Variants in TLN2 observed in about 807,000 individuals in gnomAD.
The protein encoded by TLN2 is talin-2.
Under a neutral mutation model 294.7 loss-of-function variants are expected in TLN2, and 118 were observed. The ratio of observed to expected loss-of-function variants is 0.40; its 90% CI spans 0.34 to 0.47. The LOEUF is 0.47. Ranked by LOEUF, TLN2 falls within the 20% of genes least tolerant of loss-of-function variation. The probability of loss-of-function intolerance (pLI) is 0.84; values close to 1 mark genes in which losing one functional copy is unlikely to be tolerated. For missense variants in TLN2, 3,083 were observed against 3,282.2 expected, an observed-to-expected ratio of 0.94 and a Z score of 1.48; for synonymous variants, 1,431 against 1,304.5, an observed-to-expected ratio of 1.10 and a Z score of -2.09.
At chr15:62,498,638 C>G (rs1317824851) in intron 1 of TLN2, among the ~76,000 whole-genome samples, 1 of 152,086 alleles carries the variant, frequency 6.6e-6, no homozygotes, top group Non-Finnish European at 1.5e-5. Context: ...TGATGATATC[C>G]CAGTGTCTGT....
At chr15:62,700,269 T>A (rs955007013) in intron 16 of TLN2, among the ~76,000 whole-genome samples, 20 of 152,204 alleles carry the variant, frequency 1.3e-4, no homozygotes, top group African/African-American at 3.9e-4. Flanking sequence ...GCTAGTCACA[T>A]CCTGAACATA....
chr15:62,825,856 A>AT (rs2068129982), intron 54 of TLN2, among the ~76,000 whole-genome samples: 1 of 93,846 alleles, frequency 1.1e-5, no homozygotes, highest in African/African-American at 5.1e-5. Flanking sequence ...AATATATTAT[A>AT]TATATATATA....
chr15:62,431,919 C>T (rs544175996), intron 1 of TLN2, among the ~76,000 whole-genome samples: 7 of 152,196 alleles, frequency 4.6e-5, no homozygotes, highest in African/African-American at 1.4e-4. Context: ...GAGCTCCAGG[C>T]CTTGGGCCCC....
intron 57 of TLN2, among the ~76,000 whole-genome samples, chr15:62,836,669 C>T (rs1408051027): frequency 6.6e-6 from 1 of 152,000 alleles, no homozygotes; most frequent in African/African-American, 2.4e-5. Flanking sequence ...TCAAGTCCTT[C>T]TCAGAGCAGA....
At chr15:62,626,215 G>A (rs919613596) in intron 3 of TLN2, among the ~76,000 whole-genome samples, 26 of 152,138 alleles carry the variant, frequency 1.7e-4, no homozygotes, top group African/African-American at 4.8e-4. Flanking sequence ...GATTTTATAG[G>A]TCACCAATTC....
chr15:62,703,924 G>A (rs564486162), intron 19 of TLN2, among the ~76,000 whole-genome samples: 14 of 152,254 alleles, frequency 9.2e-5, no homozygotes, highest in Admixed American at 3.9e-4. Context: ...GGTGGTTCAG[G>A]CCAGGATGAG....
At chr15:62,526,527 A>G (rs2040750075) in intron 1 of TLN2, among the ~76,000 whole-genome samples, 1 of 152,106 alleles carries the variant, frequency 6.6e-6, no homozygotes, top group Admixed American at 6.5e-5. Flanking sequence ...CTGTGAGCCA[A>G]TCCAGGCCCC....
chr15:62,812,056 A>AATAAAATC (rs2066730171), intron 52 of TLN2, among the ~76,000 whole-genome samples: 1 of 151,478 alleles, frequency 6.6e-6, no homozygotes, highest in Non-Finnish European at 1.5e-5. Flanking sequence ...TAAATAAATA[A>AATAAAATC]AATCTGCCAC....
At chr15:62,457,351 G>C (rs781024956) in intron 1 of TLN2, among the ~76,000 whole-genome samples, 1 of 152,222 alleles carries the variant, frequency 6.6e-6, no homozygotes, top group African/African-American at 2.4e-5. Flanking sequence ...CCACTGTCGT[G>C]ACCTCATCTA....
chr15:62,494,278 C>T (rs745486533), intron 1 of TLN2, among the ~76,000 whole-genome samples: 8 of 151,716 alleles, frequency 5.3e-5, no homozygotes, highest in Non-Finnish European at 7.4e-5. Context: ...ATTTAATTAC[C>T]GTCTCTGCTT....
Position 62,689,846 on chromosome 15 carries a change from C to CTTTTTTTTTTTTTTTTTTTTTTTTTTTT in TLN2, c.1114-2990_1114-2963dup, listed in dbSNP as rs1158144919. Among the ~76,000 whole-genome samples the CTTTTTTTTTTTTTTTTTTTTTTTTTTTT allele has an allele frequency of 4.5e-4, 7 of 15,414 alleles. 3 individuals are homozygous for CTTTTTTTTTTTTTTTTTTTTTTTTTTTT. Among genetic ancestry groups the CTTTTTTTTTTTTTTTTTTTTTTTTTTTT allele is most frequent in the Non-Finnish European group, 9.2e-4 (6 of 6,514 alleles). The allele number at this position is 15,414 out of a possible 152,430, so 10.1% of individuals were successfully genotyped here. A position where few individuals can be genotyped will look rare whatever the true frequency, so the allele number is the denominator to read the frequency against. On this transcript the variant is annotated intron_variant, in intron 12 of 58. Transcript: ENST00000636159. Reference sequence around the variant, plus strand: ...TTTTCAAAATTCTTGGTATGGGCTTCTTTTTTTTTTTTTTTTTTTTTTTTT... The same window carrying CTTTTTTTTTTTTTTTTTTTTTTTTTTTT: ...TTTTCAAAATTCTTGGTATGGGCTTCTTTTTTTTTTTTTTTTTTTTTTTTTTTTTTTTTTTTTTTTTTTTTTTTTTTTT...
At chr15:62,601,658 T>C (rs1195435787) in intron 2 of TLN2, among the ~76,000 whole-genome samples, 4 of 152,204 alleles carry the variant, frequency 2.6e-5, no homozygotes, top group African/African-American at 9.7e-5. Context: ...ATTCTATCAT[T>C]CCTACCTTGT....
intron 24 of TLN2, among the ~76,000 whole-genome samples, chr15:62,719,207 A>G (rs1226359575): frequency 6.6e-6 from 1 of 152,204 alleles, no homozygotes; most frequent in Non-Finnish European, 1.5e-5. Flanking sequence ...ACTGCCTCAC[A>G]GAATGCCGTG....
chr15:62,627,601 C>T (rs984841797), intron 3 of TLN2, among the ~76,000 whole-genome samples: 1 of 152,162 alleles, frequency 6.6e-6, no homozygotes, highest in Admixed American at 6.5e-5. Flanking sequence ...GTGTGAGACA[C>T]ATTATTTTAA....
At chr15:62,599,280 A>G (rs1010845936) in intron 2 of TLN2, among the ~76,000 whole-genome samples, 1 of 152,216 alleles carries the variant, frequency 6.6e-6, no homozygotes. Flanking sequence ...AACTGGTTGC[A>G]GTGATGACCA....
rs1244073072 is a variant in TLN2 at position 62,574,713 on chromosome 15, CATAA to C, written c.-237-14971_-237-14968del. On this transcript the variant is annotated intron_variant, in intron 1 of 58. Transcript: ENST00000636159. ...CATTCCAGACTTGAACTTTAGTTTG[CATAA>C]ATTTTTCTATTTCTGAAATCAGGAC... Among the ~76,000 whole-genome samples the C allele has an allele frequency of 2.0e-5, 3 of 146,434 alleles. No homozygotes were observed. The East Asian group carries it at 6.3e-4, about 31-fold the overall frequency.
At chr15:62,758,205 A>G (rs1595894871) in intron 37 of TLN2, among the ~76,000 whole-genome samples, 1 of 152,048 alleles carries the variant, frequency 6.6e-6, no homozygotes, top group East Asian at 1.9e-4. Context: ...GCAGGAGCAG[A>G]TTACCTCACA....
intron 41 of TLN2, among the ~76,000 whole-genome samples, chr15:62,769,600 C>T (rs913748443): frequency 3.9e-5 from 6 of 152,132 alleles, no homozygotes; most frequent in African/African-American, 9.7e-5. Context: ...TCACTATTAG[C>T]GTTAATTAAG....
At chr15:62,620,688 C>T (rs530295958) in intron 3 of TLN2, among the ~76,000 whole-genome samples, 4 of 151,792 alleles carry the variant, frequency 2.6e-5, no homozygotes, top group Non-Finnish European at 5.9e-5. Context: ...TGCTATGTTG[C>T]CCAGGTTGGT....
Sources: gnomAD v4.1 joint callset for allele counts (sites outside exome capture counted in the v4.1 genomes callset) on GRCh38, gnomAD v4.1.1 for gene constraint, MANE v1.5 for transcripts, NCBI Gene and HGNC (gene_info 2026-07-23, HGNC 2026-07-21) for gene names.